The following ANKRD17 variants were observed in gnomAD, a reference collection of about 807,000 sequenced individuals.
ANKRD17 encodes ankyrin repeat domain 17, also known as ankyrin repeat domain-containing protein 17.
In ANKRD17, 19 loss-of-function variants were observed where a neutral mutation model predicts 229.7. That is an observed-to-expected ratio of 0.08 (90% confidence interval 0.06 to 0.12). The LOEUF (loss-of-function observed/expected upper bound fraction) is 0.12, where lower values mean the gene tolerates loss of function less well. Among genes scored for constraint, ANKRD17 ranks in the 10% least tolerant of loss-of-function variants. ANKRD17 has a pLI of 1.00. For missense variants in ANKRD17, 2,176 were observed against 3,176.8 expected (o/e 0.68, Z 7.57); for synonymous variants, 1,112 against 1,146.1 (o/e 0.97, Z 0.60).
chr4:73,209,635 C>A (rs189490199), intron 1 of ANKRD17, among the ~76,000 whole-genome samples: 6 of 149,358 alleles, frequency 4.0e-5, no homozygotes, highest in East Asian at 4.0e-4. Context: ...ATTTCCCTTA[C>A]GCAAAAAAGA....
chr4:73,084,607 C>A (rs1299983614), intron 30 of ANKRD17, among the ~76,000 whole-genome samples: 1 of 151,946 alleles, frequency 6.6e-6, no homozygotes, highest in Non-Finnish European at 1.5e-5. Flanking sequence ...CACCACAACG[C>A]CTGGCTAATT....
chr4:73,251,630 C>G (rs958446398), intron 1 of ANKRD17, among the ~76,000 whole-genome samples: 5 of 150,768 alleles, frequency 3.3e-5, no homozygotes, highest in African/African-American at 4.9e-5. Context: ...ATAAGTGGTA[C>G]CAGCAGGCAC....
chr4:73,242,179 G>A (rs1744101003), intron 1 of ANKRD17, among the ~76,000 whole-genome samples: 2 of 151,964 alleles, frequency 1.3e-5, no homozygotes, highest in Admixed American at 1.3e-4. Context: ...GACAAATACT[G>A]GAAATGAGAG....
At chr4:73,190,549 A>G (rs1036790903) in intron 1 of ANKRD17, among the ~76,000 whole-genome samples, 1 of 149,738 alleles carries the variant, frequency 6.7e-6, no homozygotes, top group African/African-American at 2.4e-5. Context: ...ATGTCCTCCA[A>G]AAAAAAAAAC....
intron 6 of ANKRD17, among the ~76,000 whole-genome samples, chr4:73,152,597 C>A (rs1484920894): frequency 1.3e-5 from 2 of 152,110 alleles, no homozygotes; most frequent in African/African-American, 4.8e-5. Context: ...CCTCAGATCC[C>A]CCTTTTGGAT....
intron 1 of ANKRD17, among the ~76,000 whole-genome samples, chr4:73,256,215 T>A (rs922463326): frequency 1.3e-5 from 2 of 152,148 alleles, no homozygotes; most frequent in African/African-American, 2.4e-5. Flanking sequence ...AAAATAAACA[T>A]ACCTACAAAC....
At chr4:73,082,537 A>T (rs534359138) in intron 30 of ANKRD17, among the ~76,000 whole-genome samples, 1 of 152,192 alleles carries the variant, frequency 6.6e-6, no homozygotes, top group Non-Finnish European at 1.5e-5. Flanking sequence ...GTGCTTCTAC[A>T]GTAAAATTAC....
chr4:73,142,863 T>G (rs924790014), intron 11 of ANKRD17, 96 bp from the exon 12 acceptor site: 1 of 1,361,868 alleles, frequency 7.3e-7, no homozygotes, highest in African/African-American at 1.5e-5. Flanking sequence ...GAAAATAGTA[T>G]TATGAGGCTC....
intron 1 of ANKRD17, among the ~76,000 whole-genome samples, chr4:73,225,735 G>A (rs1488222039): frequency 1.3e-5 from 2 of 151,090 alleles, no homozygotes; most frequent in African/African-American, 4.9e-5. Flanking sequence ...AGTGGTGGGC[G>A]CCTGTAATCC....
chr4:73,204,333 C>G (rs1739139163), intron 1 of ANKRD17, among the ~76,000 whole-genome samples: 1 of 141,032 alleles, frequency 7.1e-6, no homozygotes, highest in Non-Finnish European at 1.5e-5. Context: ...TGCAGTCCAG[C>G]CTGGGCGACA....
At chr4:73,082,280 G>A (rs1307132099) in intron 30 of ANKRD17, among the ~76,000 whole-genome samples, 1 of 151,846 alleles carries the variant, frequency 6.6e-6, no homozygotes, top group Non-Finnish European at 1.5e-5. Context: ...GTCCAGTCTG[G>A]GCAACATGGT....
chr4:73,140,363 C>A, intron 14 of ANKRD17, 80 bp from the exon 15 acceptor site: 1 of 1,438,068 alleles, frequency 7.0e-7, no homozygotes. Context: ...GGTTTAGTGC[C>A]AACAGTTATG....
rs906901845 is a variant in ANKRD17, at chr4:73,120,399, A to G, written c.3850-62T>C. On this transcript the variant is annotated intron_variant, in intron 20 of 33. Transcript: ENST00000358602. ...AGAGACTGGAAAGATCTAAAATTGT[A>G]AAGAATAACAACTTGAAGAAGGAAT... 5 of 1,461,872 alleles carry G rather than the reference A, an allele frequency of 3.4e-6. No individual in the cohort carries two copies. In the African/African-American group the frequency reaches 4.3e-5, roughly 12 times the overall value. The allele number at this position is 1,461,872 out of a possible 1,614,324, so 90.6% of individuals were successfully genotyped here.
intron 10 of ANKRD17, among the ~76,000 whole-genome samples, chr4:73,146,240 ATCT>A (rs1477966102): frequency 6.6e-6 from 1 of 152,106 alleles, no homozygotes; most frequent in East Asian, 1.9e-4. Flanking sequence ...TTACCTTCTG[ATCT>A]TCTTTACTCT....
At position 73,154,846 on chromosome 4, in the gene ANKRD17, C is replaced by T. The variant is rs570816876; in HGVS notation, c.1001-733G>A. Among the ~76,000 whole-genome samples the T allele has an allele frequency of 3.2e-4, 49 of 152,084 alleles. No individual in the cohort carries two copies. The South Asian group carries it at 0.01, about 32-fold the overall frequency. ...CACGAGGTCAGGAGATCGAGACCATCCCGGCTAAAACGGTGAAACCCCGTC... is the reference window on the plus strand; with the variant it reads ...CACGAGGTCAGGAGATCGAGACCATTCCGGCTAAAACGGTGAAACCCCGTC... On this transcript the variant is annotated intron_variant, in intron 5 of 33. Transcript: ENST00000358602.
chr4:73,139,727 A>G lies in ANKRD17; in HGVS notation c.2889T>C (p.Pro963=), dbSNP rs140256724. The G allele has an allele frequency of 7.2e-5, 117 of 1,614,084 alleles. No individual in the cohort carries two copies. In the African/African-American group the frequency reaches 1.5e-3, roughly 21 times the overall value. Residue 963 remains proline, a synonymous_variant, in exon 15 of 34, where the codon CCT becomes CCC. Transcript: ENST00000358602. The part of the protein sequence containing the change: ...IQPLAMPQAL[P]LAAGPLPPGS... ...CTGGAGGCAAGGGACCTGCCGCCAG[A>G]GGCAAAGCTTGAGGCATCGCCAGAG...
intron 6 of ANKRD17, 71 bp from the exon 7 acceptor site, chr4:73,151,595 T>C (rs921894029): frequency 1.7e-5 from 20 of 1,167,196 alleles, no homozygotes; most frequent in Non-Finnish European, 2.2e-5. Flanking sequence ...AATTATAATA[T>C]TTTGAAAAGT....
intron 16 of ANKRD17, among the ~76,000 whole-genome samples, chr4:73,129,299 T>G (rs1560563443): frequency 1.3e-5 from 2 of 152,234 alleles, no homozygotes; most frequent in Non-Finnish European, 2.9e-5. Flanking sequence ...TCAACATGAC[T>G]ATTCAATTTT....
chr4:73,208,162 C>T (rs1739750547), intron 1 of ANKRD17, among the ~76,000 whole-genome samples: 1 of 123,402 alleles, frequency 8.1e-6, no homozygotes, highest in African/African-American at 3.3e-5. Context: ...GCACTCCAGC[C>T]TGGGCGACAC....
Sources: gnomAD v4.1 joint callset for allele counts (sites outside exome capture counted in the v4.1 genomes callset) on GRCh38, gnomAD v4.1.1 for gene constraint, MANE v1.5 for transcripts, NCBI Gene and HGNC (gene_info 2026-07-23, HGNC 2026-07-21) for gene names.